ATP10D: variants seen among roughly 807,000 people sequenced by gnomAD.
The protein encoded by ATP10D is ATPase phospholipid transporting 10D (putative), also known as phospholipid-transporting ATPase VD.
In ATP10D, 89 loss-of-function variants were observed where a neutral mutation model predicts 144.8. That is an observed-to-expected ratio of 0.61 (90% confidence interval 0.52 to 0.73). The LOEUF is 0.73. Among genes scored for constraint, ATP10D ranks in the 30% least tolerant of loss-of-function variants. ATP10D has a pLI of 0.00. For missense variants in ATP10D, 1,603 were observed against 1,714.8 expected, an observed-to-expected ratio of 0.93 and a Z score of 1.15; for synonymous variants, 571 against 615.1, an observed-to-expected ratio of 0.93 and a Z score of 1.06.
intron 5 of ATP10D, among the ~76,000 whole-genome samples, chr4:47,527,585 G>A (rs73237085): frequency 0.14 from 20,839 of 151,976 alleles, 1,616 homozygotes; most frequent in South Asian, 0.24. Context: ...AAGGAATCTC[G>A]AAACCCAGTA....
At chr4:47,525,687 G>A in intron 5 of ATP10D, 45 bp downstream of exon 5, 6 of 1,430,486 alleles carry the variant, frequency 4.2e-6, no homozygotes, top group Non-Finnish European at 5.9e-6. Flanking sequence ...GTGGAATTGT[G>A]TGTTGCAATC....
chr4:47,559,100 C>A, intron 13 of ATP10D, 71 bp downstream of exon 13: 2 of 1,202,338 alleles, frequency 1.7e-6, no homozygotes, highest in Non-Finnish European at 2.4e-6. Flanking sequence ...TGAAAACCAG[C>A]GTGTAGCAAA....
At chr4:47,491,352 C>A in intron 1 of ATP10D, 2 of 758,288 alleles carry the variant, frequency 2.6e-6, no homozygotes, top group Non-Finnish European at 4.8e-6. Context: ...TCCAATATCA[C>A]GTCTCTTATA....
chr4:47,576,977 G>C lies in ATP10D; in HGVS notation c.3567+4G>C. 6.2e-7 allele frequency: 1 copy of C among 1,613,948 alleles called. No homozygotes were observed. Among genetic ancestry groups the C allele is most frequent in the Non-Finnish European group, 8.5e-7 (1 of 1,179,830 alleles). On this transcript the variant is annotated splice_donor_region_variant and intron_variant, in intron 19 of 22. Transcript: ENST00000273859. Reference sequence around the variant, plus strand: ...CAGAAGTGGTCAGAAATCAGAGGTAGGTGTTAAAGCAAGAGTGCTTGGATG... The same window carrying C: ...CAGAAGTGGTCAGAAATCAGAGGTACGTGTTAAAGCAAGAGTGCTTGGATG...
intron 4 of ATP10D, 42 bp from the exon 5 acceptor site, chr4:47,525,515 T>C: frequency 7.1e-7 from 1 of 1,406,496 alleles, no homozygotes; most frequent in African/African-American, 1.4e-5. Context: ...ATTAAGGGTT[T>C]AACCTTGAAT....
intron 5 of ATP10D, among the ~76,000 whole-genome samples, chr4:47,528,290 C>T (rs990424930): frequency 2.0e-5 from 3 of 151,966 alleles, no homozygotes; most frequent in African/African-American, 7.2e-5. Flanking sequence ...TTATTTCCCT[C>T]CATGTGTCCA....
chr4:47,569,796 G>T, intron 16 of ATP10D, among the ~76,000 whole-genome samples: 1 of 152,304 alleles, frequency 6.6e-6, no homozygotes, highest in South Asian at 2.1e-4. Context: ...AAGGTTGACT[G>T]TGAGCAGAGA....
intron 4 of ATP10D, among the ~76,000 whole-genome samples, chr4:47,523,536 G>C (rs964246725): frequency 1.3e-5 from 2 of 152,158 alleles, no homozygotes; most frequent in Non-Finnish European, 2.9e-5. Context: ...TCTAAAATCT[G>C]TAATTACTTA....
Position 47,569,139 on chromosome 4 carries a change from T to G in ATP10D, c.3156T>G (p.Leu1052=). The change falls in exon 16 of 23, where the codon CTT becomes CTG. Residue 1052 remains leucine, a synonymous_variant. Coordinates refer to ENST00000273859, the MANE Select transcript of ATP10D (RefSeq NM_020453.4). ...GCAGCCATCTCCAGGTGATGACCCT[T>G]GCTATTGGTGAGTGAGGATGAATCT... The part of the protein sequence containing the change: ...LVRSHLQVMT[L]AIGDGANDVS... 6.2e-7 allele frequency: 1 copy of G among 1,612,268 alleles called. No homozygotes were observed. The highest frequency in any genetic ancestry group is 8.5e-7 in the Non-Finnish European group (1 of 1,179,190).
intron 9 of ATP10D, among the ~76,000 whole-genome samples, chr4:47,544,776 C>T (rs572622387): frequency 1.3e-3 from 198 of 152,288 alleles, no homozygotes; most frequent in African/African-American, 4.3e-3. Context: ...TGCAAACATT[C>T]TTCACTTCAT....
At chr4:47,534,068 T>C (rs993901972) in intron 5 of ATP10D, among the ~76,000 whole-genome samples, 1 of 152,216 alleles carries the variant, frequency 6.6e-6, no homozygotes, top group African/African-American at 2.4e-5. Context: ...GTCTACACTT[T>C]GCATCTGGTT....
Position 47,591,236 on chromosome 4 carries a change from C to G in ATP10D, c.4136C>G (p.Pro1379Arg), listed in dbSNP as rs369714734. Residue 1379 changes from proline to arginine, a missense_variant, in exon 23 of 23, where the codon CCT (proline) becomes CGT (arginine). Coordinates refer to ENST00000273859, the MANE Select transcript of ATP10D (RefSeq NM_020453.4). ...GKSGRRPMPG[P>R]SAVFAMKSAS... ...TCAGGAAGAAGACCCATGCCTGGCC[C>G]TTCTGCTGTATTTGCAATGAAGTCA... 1.5e-5 allele frequency: 25 copies of G among 1,613,592 alleles called. No homozygotes were observed. The highest frequency in any genetic ancestry group is 2.1e-5 in the Non-Finnish European group (25 of 1,179,618).
In ATP10D at chr4:47,558,996, A is replaced by T. The variant is rs1306613768; in HGVS notation, c.2508A>T (p.Lys836Asn). ...KTQKHLDDYA[K>N]QGLRTLCIAK... ...AGAAGCACTTGGATGACTATGCCAA[A>T]CAAGGCCTTCGTACTTTATGTATAG... The change falls in exon 13 of 23, where the codon AAA (lysine) becomes AAT (asparagine). Residue 836 changes from lysine (K) to asparagine (N), a missense_variant. Physicochemically the swap from Lys to Asn is moderately conservative, Grantham distance 94. Coordinates refer to ENST00000273859, the MANE Select transcript of ATP10D (RefSeq NM_020453.4). 6.2e-7 allele frequency: 1 copy of T among 1,614,058 alleles called. No homozygotes were observed. Among genetic ancestry groups the T allele is most frequent in the African/African-American group, 1.3e-5 (1 of 74,944 alleles).
intron 4 of ATP10D, among the ~76,000 whole-genome samples, chr4:47,524,581 T>C (rs1367331737): frequency 6.6e-6 from 1 of 152,228 alleles, no homozygotes; most frequent in Non-Finnish European, 1.5e-5. Flanking sequence ...ACCAGTCTAA[T>C]ACTAATCAGC....
chr4:47,552,507 T>C (rs969504168), intron 10 of ATP10D, among the ~76,000 whole-genome samples: 1 of 152,206 alleles, frequency 6.6e-6, no homozygotes, highest in African/African-American at 2.4e-5. Context: ...GGACCTGTTT[T>C]ATAAGGACTT....
chr4:47,588,646 G>T lies in ATP10D; in HGVS notation c.3941+1440G>T, dbSNP rs367938422. Among the ~76,000 whole-genome samples, 25 of 152,224 alleles carry T rather than the reference G, an allele frequency of 1.6e-4. 1 individual carries two copies. In the East Asian group the frequency reaches 2.3e-3, roughly 14 times the overall value. On this transcript the variant is annotated intron_variant, in intron 22 of 22. Transcript: ENST00000273859. Reference sequence around the variant, plus strand: ...GTGGACACAATCCTTTGTTGCTGATGAATGTCTCTTCCAGAAATGCATTAA... The same window carrying T: ...GTGGACACAATCCTTTGTTGCTGATTAATGTCTCTTCCAGAAATGCATTAA...
intron 15 of ATP10D, among the ~76,000 whole-genome samples, chr4:47,566,654 G>C (rs1364559175): frequency 6.6e-6 from 1 of 152,024 alleles, no homozygotes; most frequent in Non-Finnish European, 1.5e-5. Context: ...ATATACAGTT[G>C]ATTCTCCTTA....
At position 47,558,978 on chromosome 4, in the gene ATP10D, C is replaced by G. The variant is rs768568217; in HGVS notation, c.2490C>G (p.His830Gln). The G allele has an allele frequency of 2.3e-5, 37 of 1,614,034 alleles. 1 individual carries two copies. The Admixed American group carries it at 4.0e-4, about 17-fold the overall frequency. Residue 830 changes from histidine to glutamine, a missense_variant, in exon 13 of 23, where the codon CAC becomes CAG. Coordinates refer to ENST00000273859, the MANE Select transcript of ATP10D (RefSeq NM_020453.4). ...QMIVREKTQK[H>Q]LDDYAKQGLR... Reference sequence around the variant, plus strand: ...TAGTAAGGGAGAAAACCCAGAAGCACTTGGATGACTATGCCAAACAAGGCC... The same window carrying G: ...TAGTAAGGGAGAAAACCCAGAAGCAGTTGGATGACTATGCCAAACAAGGCC...
Position 47,536,726 on chromosome 4 carries a change from T to C in ATP10D, c.1184T>C (p.Val395Ala). Reference protein sequence around the residue: ...PISLYVSIEIVKLGQIYFIQS... With the variant: ...PISLYVSIEIAKLGQIYFIQS... The stretch of plus-strand genomic sequence containing the variant: ...TCTCTCTATGTTTCCATCGAAATTG[T>C]GAAGCTTGGACAAATATATTTCATT... Residue 395 changes from valine to alanine, a missense_variant, in exon 9 of 23, where the codon GTG (valine) becomes GCG (alanine). Val to Ala is a moderately conservative substitution (Grantham distance 64, BLOSUM62 0). Transcript: ENST00000273859. 1 of 1,612,334 alleles carries C rather than the reference T, an allele frequency of 6.2e-7. No individual in the cohort carries two copies. The highest frequency in any genetic ancestry group is 8.5e-7 in the Non-Finnish European group (1 of 1,179,408).
Sources: allele counts gnomAD v4.1 joint callset (sites outside exome capture counted in the v4.1 genomes callset), GRCh38; gene constraint gnomAD v4.1.1; transcripts MANE v1.5; gene names NCBI Gene and HGNC (gene_info 2026-07-23, HGNC 2026-07-21).